The following ACACA variants were observed in gnomAD, a reference collection of about 807,000 sequenced individuals.
The protein encoded by ACACA is acetyl-CoA carboxylase 1.
Under a neutral mutation model 296.1 loss-of-function variants are expected in ACACA, and 103 were observed. That is an observed-to-expected ratio of 0.35 (90% CI 0.30 to 0.41). ACACA has a LOEUF of 0.41. Among genes scored for constraint, ACACA ranks in the 10% least tolerant of loss-of-function variants. ACACA has a pLI of 1.00. For synonymous variants in ACACA, 953 were observed against 1,038.6 expected (o/e 0.92, Z 1.58); for missense variants, 1,554 against 2,989.7 (o/e 0.52, Z 11.20).
chr17:37,161,656 G>T, intron 42 of ACACA, 125 bp downstream of exon 42: 2 of 1,146,662 alleles, frequency 1.7e-6, no homozygotes, highest in Non-Finnish European at 2.5e-6. Context: ...AAATAATTTT[G>T]TTTATATTTA....
chr17:37,291,080 CAAA>C (rs57643200), intron 3 of ACACA, among the ~76,000 whole-genome samples: 1 of 85,212 alleles, frequency 1.2e-5, no homozygotes. Flanking sequence ...GACTCTGTCT[CAAA>C]AAAAAAAAAA....
At chr17:37,155,198 A>C (rs1487489908) in intron 43 of ACACA, among the ~76,000 whole-genome samples, 1 of 152,136 alleles carries the variant, frequency 6.6e-6, no homozygotes, top group Non-Finnish European at 1.5e-5. Flanking sequence ...GAATGTTCAA[A>C]TATATTTATT....
intron 14 of ACACA, among the ~76,000 whole-genome samples, chr17:37,257,163 T>C (rs2081264329): frequency 6.6e-6 from 1 of 152,180 alleles, no homozygotes; most frequent in South Asian, 2.1e-4. Context: ...TAAGGTCTCT[T>C]GTATTAGCAA....
intron 1 of ACACA, among the ~76,000 whole-genome samples, chr17:37,374,229 C>A (rs1004046867): frequency 4.6e-5 from 7 of 151,858 alleles, no homozygotes; most frequent in Non-Finnish European, 1.0e-4. Flanking sequence ...AAAACAAGAC[C>A]AAAGAAGCTG....
intron 41 of ACACA, among the ~76,000 whole-genome samples, chr17:37,177,374 A>C (rs1418815586): frequency 6.6e-6 from 1 of 151,930 alleles, no homozygotes; most frequent in Non-Finnish European, 1.5e-5. Context: ...CTACATGTTC[A>C]TGCCCAGGCA....
chr17:37,087,677 C>T (rs777760514), intron 55 of ACACA, among the ~76,000 whole-genome samples: 3 of 152,066 alleles, frequency 2.0e-5, no homozygotes, highest in South Asian at 2.1e-4. Context: ...AAAAAAAACC[C>T]AAAACATGCC....
At chr17:37,157,301 C>T (rs868377448) in intron 42 of ACACA, among the ~76,000 whole-genome samples, 1 of 152,160 alleles carries the variant, frequency 6.6e-6, no homozygotes, top group Non-Finnish European at 1.5e-5. Context: ...GCATGATGTG[C>T]TTCGCAGGTT....
chr17:37,110,756 C>G (rs1280162948), intron 52 of ACACA, among the ~76,000 whole-genome samples: 1 of 152,220 alleles, frequency 6.6e-6, no homozygotes, highest in Admixed American at 6.5e-5. Flanking sequence ...AAGGCAATCT[C>G]TGTTCCTTTA....
intron 17 of ACACA, 87 bp downstream of exon 17, chr17:37,248,506 A>G: frequency 9.7e-7 from 1 of 1,028,966 alleles, no homozygotes; most frequent in Non-Finnish European, 1.5e-6. Flanking sequence ...CCATCCCTGC[A>G]TTAAATCAAA....
chr17:37,240,689 C>T (rs1714679125), intron 23 of ACACA, 125 bp from the exon 24 acceptor site: 5 of 745,420 alleles, frequency 6.7e-6, no homozygotes, highest in Admixed American at 2.2e-5. Flanking sequence ...TAAAGAACAG[C>T]CTAAAATGAA....
At chr17:37,143,995 G>A (rs1272184768) in intron 45 of ACACA, 10 of 813,214 alleles carry the variant, frequency 1.2e-5, no homozygotes, top group East Asian at 4.8e-5. Context: ...CAGGAAGAAC[G>A]CTGAAGGAAG....
intron 14 of ACACA, among the ~76,000 whole-genome samples, chr17:37,256,125 T>A (rs1270487960): frequency 6.6e-6 from 1 of 152,046 alleles, no homozygotes; most frequent in African/African-American, 2.4e-5. Context: ...CTAGCAGAAA[T>A]CCATATTTTG....
intron 43 of ACACA, 117 bp downstream of exon 43, chr17:37,155,566 A>G: frequency 2.6e-6 from 2 of 774,842 alleles, no homozygotes; most frequent in South Asian, 2.8e-5. Flanking sequence ...TAAAACATCT[A>G]GATTATGTCA....
At position 37,330,039 on chromosome 17, in the gene ACACA, A is replaced by T. The variant is rs1037728812; in HGVS notation, c.338+134T>A. The stretch of plus-strand genomic sequence containing the variant: ...AAAATACATCATTTCTGACTTCCTC[A>T]ACAAAGCTTTGAGTTCAGTGACATA... On this transcript the variant is annotated intron_variant, in intron 3 of 55. Coordinates refer to ENST00000616317, the MANE Select transcript of ACACA (RefSeq NM_198834.3). 9 of 1,152,758 alleles carry T rather than the reference A, an allele frequency of 7.8e-6. No homozygotes were observed. In the African/African-American group the frequency reaches 1.2e-4, roughly 16 times the overall value. The allele number at this position is 1,152,758 out of a possible 1,614,324, so 71.4% of individuals were successfully genotyped here.
intron 1 of ACACA, among the ~76,000 whole-genome samples, chr17:37,363,187 T>C (rs1433155198): frequency 0.012 from 1,556 of 125,010 alleles, 36 homozygotes; most frequent in African/African-American, 0.042. Context: ...TTCTTTTTTT[T>C]TTTTTTTTTT....
intron 29 of ACACA, among the ~76,000 whole-genome samples, chr17:37,211,015 A>G (rs946335482): frequency 2.0e-5 from 3 of 152,182 alleles, no homozygotes; most frequent in Non-Finnish European, 4.4e-5. Flanking sequence ...CCACCAAAGA[A>G]AAGTATCCAG....
At chr17:37,390,622 G>A (rs1288770451) in intron 1 of ACACA, among the ~76,000 whole-genome samples, 7 of 149,098 alleles carry the variant, frequency 4.7e-5, no homozygotes, top group South Asian at 4.3e-4. Flanking sequence ...GCAAGACTCC[G>A]TCTCAAAAAG....
intron 36 of ACACA, 67 bp downstream of exon 36, chr17:37,193,307 A>T: frequency 8.1e-7 from 1 of 1,227,990 alleles, no homozygotes; most frequent in Non-Finnish European, 1.2e-6. Context: ...TGGCAAAGAT[A>T]AGCCGCTCTT....
chr17:37,198,301 T>G (rs1445524667), intron 35 of ACACA, among the ~76,000 whole-genome samples: 2 of 152,240 alleles, frequency 1.3e-5, no homozygotes, highest in South Asian at 2.1e-4. Flanking sequence ...GATGTGAAGA[T>G]TCCATCTAAT....
Sources: allele counts gnomAD v4.1 joint callset (sites outside exome capture counted in the v4.1 genomes callset), GRCh38; gene constraint gnomAD v4.1.1; transcripts MANE v1.5; gene names NCBI Gene and HGNC (gene_info 2026-07-23, HGNC 2026-07-21).